The following DCAF1 variants were observed in gnomAD, a reference collection of about 807,000 sequenced individuals.
DCAF1 encodes DDB1- and CUL4-associated factor 1.
DCAF1 carries 15 observed loss-of-function variants against 128.0 expected under a neutral mutation model. The ratio of observed to expected loss-of-function variants is 0.12; its 90% CI spans 0.08 to 0.18. The LOEUF is 0.18. Ranked by LOEUF, DCAF1 falls within the 10% of genes least tolerant of loss-of-function variation. The probability of loss-of-function intolerance (pLI) is 1.00; values close to 1 mark genes in which losing one functional copy is unlikely to be tolerated. For synonymous variants in DCAF1, 610 were observed against 603.0 expected (o/e 1.01, Z -0.17); for missense variants, 988 against 1,649.5 (o/e 0.60, Z 6.95).
rs186478058 is a variant in DCAF1, at chr3:51,498,860, C to G, written c.-56+1013G>C. ...AACATTAAAGGTAAACTCCAGTAAG[C>G]TGGAAAAAGAAAATGCAGGATGATA... On this transcript the variant is annotated intron_variant, in intron 1 of 24. Transcript: ENST00000684031. Among the ~76,000 whole-genome samples the G allele has an allele frequency of 7.2e-4, 109 of 152,146 alleles. 1 individual carries two copies. The highest frequency in any genetic ancestry group is 2.4e-3 in the Admixed American group (37 of 15,278).
chr3:51,463,116 T>C lies in DCAF1; in HGVS notation c.373A>G (p.Lys125Glu). ...TGACTTTACTTTTCACTAAGTACCTTTTCTTGAAAGACGACAGCAGTTTCC... is the reference window on the plus strand; with the variant it reads ...TGACTTTACTTTTCACTAAGTACCTCTTCTTGAAAGACGACAGCAGTTTCC... ...GLETAVVFQE[K>E]EGIVENLFKW... Residue 125 changes from lysine to glutamate, a missense_variant and splice_region_variant, in exon 6 of 25, where the codon AAG becomes GAG. This residue lies in a region of DCAF1 where 210 missense variants were observed against 260.2 expected (regional missense o/e 0.81). Coordinates refer to ENST00000684031, the MANE Select transcript of DCAF1 (RefSeq NM_001387579.1). 1 of 1,585,324 alleles carries C rather than the reference T, an allele frequency of 6.3e-7. No individual in the cohort carries two copies.
chr3:51,414,495 A>G (rs1365780557), intron 19 of DCAF1, 129 bp downstream of exon 19: 1 of 1,352,218 alleles, frequency 7.4e-7, no homozygotes, highest in Non-Finnish European at 9.8e-7. Context: ...ATTTCAAACC[A>G]AAGGACAGGC....
chr3:51,441,885 G>T lies in DCAF1; in HGVS notation c.526C>A (p.Leu176Ile), dbSNP rs578105046. ...DENSQLVAIVLRRLRELQLQE... is the reference protein window; with the variant it reads ...DENSQLVAIVIRRLRELQLQE... ...AGCTGTAGCTCCCTCAGTCTTCGAA[G>T]CACTATTGCCACCTATCAACAGATA... Residue 176 changes from leucine to isoleucine, a missense_variant, in exon 8 of 25, where the codon CTT (leucine) becomes ATT (isoleucine). Coordinates refer to ENST00000684031, the MANE Select transcript of DCAF1 (RefSeq NM_001387579.1). 4 of 1,605,050 alleles carry T rather than the reference G, an allele frequency of 2.5e-6. No homozygotes were observed. The Admixed American group carries it at 6.8e-5, about 27-fold the overall frequency.
At chr3:51,417,885 T>C (rs1490221706) in intron 17 of DCAF1, among the ~76,000 whole-genome samples, 1 of 151,714 alleles carries the variant, frequency 6.6e-6, no homozygotes, top group African/African-American at 2.4e-5. Context: ...AATACATAGA[T>C]TCTGGGTCGG....
At position 51,466,867 on chromosome 3, in the gene DCAF1, T is replaced by G; in HGVS notation, c.197A>C (p.Asp66Ala). The G allele has an allele frequency of 6.2e-7, 1 of 1,613,688 alleles. No homozygotes were observed. The highest frequency in any genetic ancestry group is 8.5e-7 in the Non-Finnish European group (1 of 1,179,734). The change falls in exon 5 of 25, where the codon GAT (aspartate) becomes GCT (alanine). Residue 66 changes from aspartate (D) to alanine (A), a missense_variant. By Grantham distance (126) the Asp-to-Ala change is moderately radical (BLOSUM62 -2). Coordinates refer to ENST00000684031, the MANE Select transcript of DCAF1 (RefSeq NM_001387579.1). ...CAAGTGGCCCAGCATACACTCTGGATCAGCTCGACCTACCAAGAGAAGAGG... is the reference window on the plus strand; with the variant it reads ...CAAGTGGCCCAGCATACACTCTGGAGCAGCTCGACCTACCAAGAGAAGAGG... The part of the protein sequence containing the change: ...PFDDRHPGRA[D>A]PECMLGHLLR...
chr3:51,442,501 C>A (rs1701450604), intron 7 of DCAF1, among the ~76,000 whole-genome samples: 1 of 152,016 alleles, frequency 6.6e-6, no homozygotes, highest in Non-Finnish European at 1.5e-5. Flanking sequence ...AGTTTGAGAC[C>A]AGACTGGCCA....
intron 9 of DCAF1, among the ~76,000 whole-genome samples, chr3:51,437,111 A>G (rs1312113265): frequency 6.6e-6 from 1 of 151,946 alleles, no homozygotes; most frequent in Non-Finnish European, 1.5e-5. Flanking sequence ...AAAAATAAAA[A>G]AAGTAGCCAG....
At chr3:51,449,473 C>A (rs1252212287) in intron 6 of DCAF1, among the ~76,000 whole-genome samples, 1 of 152,202 alleles carries the variant, frequency 6.6e-6, no homozygotes, top group Admixed American at 6.5e-5. Flanking sequence ...TCCCAAAGCA[C>A]TGGGATTACA....
At chr3:51,439,804 C>T (rs1701197665) in intron 9 of DCAF1, among the ~76,000 whole-genome samples, 1 of 151,656 alleles carries the variant, frequency 6.6e-6, no homozygotes, top group South Asian at 2.1e-4. Context: ...CCAGCCTGGC[C>T]AACATGGTGA....
chr3:51,483,627 G>GTA (rs1418717449), intron 3 of DCAF1, 92 bp downstream of exon 3: 9 of 816,558 alleles, frequency 1.1e-5, no homozygotes, highest in South Asian at 7.3e-5. Context: ...GTGTGTGTGT[G>GTA]TGTGTGTGTG....
At chr3:51,440,848 G>T in intron 9 of DCAF1, 122 bp downstream of exon 9, 1 of 736,138 alleles carries the variant, frequency 1.4e-6, no homozygotes, top group South Asian at 1.9e-5. Flanking sequence ...GGAGGTTGCA[G>T]TGAGCCAAGA....
At chr3:51,468,468 G>A (rs758826882) in intron 4 of DCAF1, among the ~76,000 whole-genome samples, 6 of 152,080 alleles carry the variant, frequency 3.9e-5, no homozygotes, top group Admixed American at 6.6e-5. Context: ...CATCACACGC[G>A]GCCTAGTTTG....
intron 5 of DCAF1, among the ~76,000 whole-genome samples, chr3:51,464,252 T>C (rs984674580): frequency 3.0e-5 from 1 of 33,334 alleles, no homozygotes; most frequent in Non-Finnish European, 5.4e-5. Flanking sequence ...AATTTTATAA[T>C]AAATTATATA....
At chr3:51,429,560 A>C (rs1383121026) in intron 11 of DCAF1, 90 bp from the exon 12 acceptor site, 1 of 703,508 alleles carries the variant, frequency 1.4e-6, no homozygotes, top group Admixed American at 2.1e-5. Flanking sequence ...TATTTTAGTA[A>C]ACTTTTTTTA....
intron 20 of DCAF1, among the ~76,000 whole-genome samples, 184 bp from the exon 21 acceptor site, chr3:51,413,570 C>T (rs1353380185): frequency 3.9e-5 from 6 of 152,222 alleles, no homozygotes; most frequent in African/African-American, 7.2e-5. Context: ...CCTTGCATAT[C>T]CCACCTATTG....
intron 1 of DCAF1, among the ~76,000 whole-genome samples, chr3:51,497,607 T>G (rs1179306288): frequency 6.7e-6 from 1 of 148,690 alleles, no homozygotes; most frequent in East Asian, 2.0e-4. Context: ...AAAAAAAATT[T>G]TTTTTAAATT....
At chr3:51,454,056 A>G (rs114577634) in intron 6 of DCAF1, among the ~76,000 whole-genome samples, 51 of 152,210 alleles carry the variant, frequency 3.4e-4, no homozygotes, top group African/African-American at 1.2e-3. Flanking sequence ...TTGAGCAACT[A>G]ATTTTTTTTT....
chr3:51,467,195 A>G (rs1704215586), intron 4 of DCAF1, among the ~76,000 whole-genome samples: 2 of 151,928 alleles, frequency 1.3e-5, no homozygotes. Context: ...AGCCAGGTGC[A>G]GTGGCGGGCG....
intron 3 of DCAF1, among the ~76,000 whole-genome samples, chr3:51,474,107 C>T (rs1475981989): frequency 1.3e-5 from 2 of 152,024 alleles, no homozygotes; most frequent in Non-Finnish European, 2.9e-5. Flanking sequence ...CCACATCTGG[C>T]CCCTTCCAGT....
Sources: gnomAD v4.1 joint callset for allele counts (sites outside exome capture counted in the v4.1 genomes callset) on GRCh38, gnomAD v4.1.1 for gene constraint, gnomAD v4.1.1 regional missense constraint, MANE v1.5 for transcripts, NCBI Gene and HGNC (gene_info 2026-07-23, HGNC 2026-07-21) for gene names.